Variants in NEURL1 observed in about 807,000 individuals in gnomAD.
The protein encoded by NEURL1 is neuralized E3 ubiquitin protein ligase 1.
A neutral mutation model predicts 41.2 loss-of-function variants in NEURL1; 26 were observed. The ratio of observed to expected loss-of-function variants is 0.63; its 90% CI spans 0.46 to 0.87. The LOEUF (loss-of-function observed/expected upper bound fraction) is 0.87, where lower values mean the gene tolerates loss of function less well. Among genes scored for constraint, NEURL1 ranks in the 40% least tolerant of loss-of-function variants. The probability of loss-of-function intolerance (pLI) is 0.00; values close to 1 mark genes in which losing one functional copy is unlikely to be tolerated. For synonymous variants in NEURL1, 400 were observed against 402.3 expected (o/e 0.99, Z 0.07); for missense variants, 761 against 871.1 (o/e 0.87, Z 1.59).
At chr10:103,573,252 C>A (rs2133878712) in intron 3 of NEURL1, among the ~76,000 whole-genome samples, 2 of 152,292 alleles carry the variant, frequency 1.3e-5, no homozygotes, top group South Asian at 4.1e-4. Context: ...GTCTCAGCGA[C>A]TGAAGAAGGG....
chr10:103,538,964 T>C (rs534691316), intron 1 of NEURL1, among the ~76,000 whole-genome samples: 4 of 145,996 alleles, frequency 2.7e-5, no homozygotes, highest in Admixed American at 1.4e-4. Flanking sequence ...TTTTTCTTTT[T>C]CAGACAGGGT....
chr10:103,552,356 G>A (rs61871224), intron 1 of NEURL1, among the ~76,000 whole-genome samples: 59,892 of 151,918 alleles, frequency 0.39, 12,074 homozygotes, highest in African/African-American at 0.45. Flanking sequence ...GCAATGGAGC[G>A]TTTCCTGAGG....
chr10:103,572,212 TG>T (rs1347036683), intron 3 of NEURL1, among the ~76,000 whole-genome samples: 2 of 152,336 alleles, frequency 1.3e-5, no homozygotes, highest in South Asian at 2.1e-4. Flanking sequence ...ATAGCAACCC[TG>T]GGAGGGAGAC....
intron 3 of NEURL1, among the ~76,000 whole-genome samples, chr10:103,582,849 G>A (rs2035809475): frequency 6.6e-6 from 1 of 152,240 alleles, no homozygotes; most frequent in South Asian, 2.1e-4. Context: ...TATTTGGAGA[G>A]ATTGACTCAC....
intron 3 of NEURL1, among the ~76,000 whole-genome samples, chr10:103,578,123 C>T (rs914488066): frequency 1.3e-5 from 2 of 152,130 alleles, no homozygotes; most frequent in Non-Finnish European, 2.9e-5. Flanking sequence ...TTGACTTGGC[C>T]ACTCATTAGC....
chr10:103,524,202 A>G (rs1253300543), intron 1 of NEURL1, among the ~76,000 whole-genome samples: 2 of 152,198 alleles, frequency 1.3e-5, no homozygotes, highest in Non-Finnish European at 2.9e-5. Flanking sequence ...GATGTTGAAC[A>G]TTTAAAAATA....
intron 4 of NEURL1, among the ~76,000 whole-genome samples, chr10:103,587,593 G>T (rs2035948763): frequency 6.6e-6 from 1 of 152,214 alleles, no homozygotes; most frequent in Non-Finnish European, 1.5e-5. Context: ...TGGCTTTGTG[G>T]CTAGCCTAAG....
At chr10:103,496,672 C>T (rs139671202) in intron 1 of NEURL1, among the ~76,000 whole-genome samples, 5 of 152,246 alleles carry the variant, frequency 3.3e-5, no homozygotes, top group South Asian at 2.1e-4. Context: ...CTATGAATAT[C>T]GTTCAGCTCA....
chr10:103,579,139 G>A (rs1471559653), intron 3 of NEURL1, among the ~76,000 whole-genome samples: 7 of 152,234 alleles, frequency 4.6e-5, no homozygotes, highest in Non-Finnish European at 1.0e-4. Flanking sequence ...TGGCAGGGCC[G>A]GGTGGCTTTC....
At chr10:103,584,386 G>T in intron 3 of NEURL1, 150 bp from the exon 4 acceptor site, 426 of 366,938 alleles carry the variant, frequency 1.2e-3, no homozygotes, top group Middle Eastern at 1.6e-3. Flanking sequence ...GTCGTTTCTT[G>T]ACTGTGTTCG....
chr10:103,573,669 G>C (rs985060733), intron 3 of NEURL1, among the ~76,000 whole-genome samples: 1 of 152,178 alleles, frequency 6.6e-6, no homozygotes, highest in African/African-American at 2.4e-5. Flanking sequence ...GGTTGTGAAG[G>C]CTTTGACTTA....
chr10:103,571,995 T>A (rs1245156015), intron 3 of NEURL1, among the ~76,000 whole-genome samples, 173 bp downstream of exon 3: 1 of 152,134 alleles, frequency 6.6e-6, no homozygotes, highest in Non-Finnish European at 1.5e-5. Context: ...TCTCCTTTCC[T>A]CCAGGCCCGT....
intron 1 of NEURL1, among the ~76,000 whole-genome samples, chr10:103,499,798 C>T (rs2033777823): frequency 6.6e-6 from 1 of 151,658 alleles, no homozygotes; most frequent in South Asian, 2.1e-4. Flanking sequence ...GCTACTTCCC[C>T]TATCTGAGTC....
Position 103,494,013 on chromosome 10 carries a change from C to A in NEURL1, c.-375C>A, listed in dbSNP as rs2033617577. On this transcript the variant is annotated 5_prime_UTR_variant, in exon 1 of 6. Coordinates refer to ENST00000369780, the MANE Select transcript of NEURL1 (RefSeq NM_004210.5). ...ACGCCAGCGACCCTGACTCTATGGCCCCGGGGGAGCGCGCCGGAGCCGCCG... is the reference window on the plus strand; with the variant it reads ...ACGCCAGCGACCCTGACTCTATGGCACCGGGGGAGCGCGCCGGAGCCGCCG... 3 of 186,138 alleles carry A rather than the reference C, an allele frequency of 1.6e-5. No individual in the cohort carries two copies. The East Asian group carries it at 4.5e-4, about 28-fold the overall frequency. 11.5% of individuals were successfully genotyped at this position (186,138 alleles called of 1,614,324 possible). A position where few individuals can be genotyped will look rare whatever the true frequency, so the allele number is the denominator to read the frequency against.
In NEURL1 at chr10:103,584,842, G is replaced by A; in HGVS notation, c.956G>A (p.Gly319Glu). Reference sequence around the variant, plus strand: ...CAGACGGTGGCGCGCGTGGAGCACGGGCGCGACGAGCGCGCGCTCGTCTTC... The same window carrying A: ...CAGACGGTGGCGCGCGTGGAGCACGAGCGCGACGAGCGCGCGCTCGTCTTC... ...DEQTVARVEH[G>E]RDERALVFTS... Residue 319 changes from glycine to glutamate, a missense_variant, in exon 4 of 6, where the codon GGG becomes GAG. Gly to Glu is a moderately conservative substitution (Grantham distance 98). Coordinates refer to ENST00000369780, the MANE Select transcript of NEURL1 (RefSeq NM_004210.5). 1 of 1,410,214 alleles carries A rather than the reference G, an allele frequency of 7.1e-7. No individual in the cohort carries two copies. Among genetic ancestry groups the A allele is most frequent in the Non-Finnish European group, 9.2e-7 (1 of 1,091,712 alleles). 87.4% of individuals were successfully genotyped at this position (1,410,214 alleles called of 1,614,324 possible).
intron 5 of NEURL1, among the ~76,000 whole-genome samples, chr10:103,589,926 G>A (rs1248201537): frequency 6.6e-6 from 1 of 152,136 alleles, no homozygotes; most frequent in Non-Finnish European, 1.5e-5. Context: ...TAGCCACTCT[G>A]TCCCCTCATC....
At position 103,583,705 on chromosome 10, in the gene NEURL1, C is replaced by CCAA. The variant is rs1491282703; in HGVS notation, c.650-831_650-830insCAA. ...TGGGCCACAGAGCAAGATCCTGTCT[C>CCAA]AAAAAAAAAAAAAAAAAAAAAAAAA... On this transcript the variant is annotated intron_variant, in intron 3 of 5. Transcript: ENST00000369780. Among the ~76,000 whole-genome samples the CCAA allele has an allele frequency of 8.2e-4, 16 of 19,560 alleles. 1 individual carries two copies. Among genetic ancestry groups the CCAA allele is most frequent in the African/African-American group, 2.8e-3 (15 of 5,384 alleles). 12.8% of individuals were successfully genotyped at this position (19,560 alleles called of 152,430 possible).
intron 3 of NEURL1, among the ~76,000 whole-genome samples, chr10:103,583,747 AAACCCAAAAATACAGCCTTT>A (rs1554898577): frequency 6.9e-6 from 1 of 144,330 alleles, no homozygotes; most frequent in Non-Finnish European, 1.5e-5. Flanking sequence ...AACAAACAAA[AAACCCAAAAATACAGCCTTT>A]AAAAAGGCCA....
At chr10:103,506,857 G>A (rs1012885467) in intron 1 of NEURL1, among the ~76,000 whole-genome samples, 6 of 152,138 alleles carry the variant, frequency 3.9e-5, no homozygotes, top group South Asian at 2.1e-4. Context: ...CGCTGTGCCC[G>A]GCCCACTTCT....
Sources: allele counts gnomAD v4.1 joint callset (sites outside exome capture counted in the v4.1 genomes callset), GRCh38; gene constraint gnomAD v4.1.1; transcripts MANE v1.5; gene names NCBI Gene and HGNC (gene_info 2026-07-23, HGNC 2026-07-21).